DLG2: variants seen among roughly 807,000 people sequenced by gnomAD.
The protein encoded by DLG2 is disks large homolog 2.
DLG2 carries 45 observed loss-of-function variants against 132.5 expected under a neutral mutation model. The observed-to-expected ratio is 0.34, with a 90% CI of 0.27 to 0.44. DLG2 has a LOEUF of 0.44. Among genes scored for constraint, DLG2 ranks in the 20% least tolerant of loss-of-function variants. The pLI, the probability that DLG2 is intolerant of heterozygous loss-of-function variation, is 1.00. For missense variants in DLG2, 1,045 were observed against 1,196.9 expected (o/e 0.87, Z 1.87); for synonymous variants, 424 against 419.6 (o/e 1.01, Z -0.13).
intron 3 of DLG2, among the ~76,000 whole-genome samples, chr11:85,538,523 A>C (rs2075757509): frequency 1.3e-5 from 2 of 151,990 alleles, no homozygotes; most frequent in East Asian, 3.8e-4. Context: ...TAATTATATT[A>C]TAAAGATACA....
At position 84,071,878 on chromosome 11, in the gene DLG2, G is replaced by A. The variant is rs115345191; in HGVS notation, c.750-12394C>T. Among the ~76,000 whole-genome samples, 580 of 152,286 alleles carry A rather than the reference G, an allele frequency of 3.8e-3. 3 individuals are homozygous for A. Among genetic ancestry groups the A allele is most frequent in the African/African-American group, 0.013 (555 of 41,566 alleles). ...GAATTTCTGTGATTTCTGCAGCATA[G>A]AGGAAAAGAGAATCAGAGCCGAGCC... is the stretch of plus-strand genomic sequence containing the variant. On this transcript the variant is annotated intron_variant, in intron 10 of 27. Transcript: ENST00000376104.
chr11:85,061,265 T>C (rs2064104761), intron 6 of DLG2, among the ~76,000 whole-genome samples: 1 of 151,882 alleles, frequency 6.6e-6, no homozygotes, highest in Non-Finnish European at 1.5e-5. Context: ...TTGTAGCCTG[T>C]GCTTTATTTT....
intron 6 of DLG2, among the ~76,000 whole-genome samples, chr11:84,538,837 T>C (rs917179022): frequency 6.6e-6 from 1 of 152,174 alleles, no homozygotes; most frequent in Non-Finnish European, 1.5e-5. Context: ...CGTGTTTTTT[T>C]TTCTTTGAGT....
intron 3 of DLG2, among the ~76,000 whole-genome samples, chr11:85,324,290 T>C (rs184855872): frequency 6.6e-6 from 1 of 152,260 alleles, no homozygotes; most frequent in East Asian, 1.9e-4. Flanking sequence ...TTCCACCGCC[T>C]TGTTGACATC....
At chr11:85,173,327 T>G (rs1290289917) in intron 4 of DLG2, among the ~76,000 whole-genome samples, 1 of 152,140 alleles carries the variant, frequency 6.6e-6, no homozygotes, top group Admixed American at 6.6e-5. Context: ...TTCAACATTC[T>G]TAAAGAAAAG....
intron 7 of DLG2, among the ~76,000 whole-genome samples, chr11:84,495,207 A>G (rs560911289): frequency 2.0e-5 from 3 of 152,170 alleles, no homozygotes; most frequent in Non-Finnish European, 4.4e-5. Context: ...CATTCTTGCT[A>G]TTTCTCTGAC....
chr11:85,090,888 C>G (rs1056953025), intron 6 of DLG2, among the ~76,000 whole-genome samples: 1 of 152,188 alleles, frequency 6.6e-6, no homozygotes, highest in African/African-American at 2.4e-5. Context: ...AACTGGGCAT[C>G]TGTTGAAAGC....
At chr11:84,364,986 G>A (rs1158734991) in intron 7 of DLG2, among the ~76,000 whole-genome samples, 1 of 152,040 alleles carries the variant, frequency 6.6e-6, no homozygotes, top group Non-Finnish European at 1.5e-5. Flanking sequence ...TTTTGGTTGT[G>A]TCTCTGCCTG....
chr11:83,834,005 A>G (rs545753094), intron 16 of DLG2, among the ~76,000 whole-genome samples: 1 of 152,358 alleles, frequency 6.6e-6, no homozygotes, highest in African/African-American at 2.4e-5. Flanking sequence ...TTCTAAAAAA[A>G]TTTCTTAAAC....
intron 7 of DLG2, among the ~76,000 whole-genome samples, chr11:84,499,547 C>T (rs906867494): frequency 1.4e-4 from 22 of 152,138 alleles, no homozygotes; most frequent in Non-Finnish European, 2.9e-5. Context: ...AAGATACTTG[C>T]CATCTTAATG....
At chr11:85,208,884 GA>G (rs2082070424) in intron 4 of DLG2, among the ~76,000 whole-genome samples, 1 of 152,036 alleles carries the variant, frequency 6.6e-6, no homozygotes, top group South Asian at 2.1e-4. Flanking sequence ...GGAGAGGTGA[GA>G]AGGAGTCCTT....
At chr11:83,680,498 A>C (rs1342050759) in intron 18 of DLG2, among the ~76,000 whole-genome samples, 1 of 152,108 alleles carries the variant, frequency 6.6e-6, no homozygotes, top group African/African-American at 2.4e-5. Context: ...CTCCTATCTT[A>C]ATCATTATTG....
chr11:84,315,404 G>A (rs941763472), intron 7 of DLG2, among the ~76,000 whole-genome samples: 15 of 152,192 alleles, frequency 9.9e-5, no homozygotes, highest in Admixed American at 9.8e-4. Context: ...TCTCTGCTCT[G>A]TGCAACAACC....
chr11:85,111,735 G>T lies in DLG2; in HGVS notation c.283C>A (p.Gln95Lys). 6.4e-7 allele frequency: 1 copy of T among 1,553,376 alleles called. No homozygotes were observed. The highest frequency in any genetic ancestry group is 8.7e-7 in the Non-Finnish European group (1 of 1,147,824). The change falls in exon 6 of 28, where the codon CAA (glutamine) becomes AAA (lysine). Residue 95 changes from glutamine to lysine, a missense_variant and splice_region_variant. Physicochemically the swap from Gln to Lys is moderately conservative, Grantham distance 53. This residue lies in a region of DLG2 where 277 missense variants were observed against 238.2 expected (regional missense o/e 1.16). Transcript: ENST00000376104. ...TGGGCTGGGCATCTGCCTTGGTTTT[G>T]CTGCAAATAAGTAAAAATTATATTA... ...FENETDETTT[Q>K]NQGRCPAQNC...
intron 10 of DLG2, among the ~76,000 whole-genome samples, chr11:84,087,639 T>A (rs1265797148): frequency 6.6e-6 from 1 of 152,158 alleles, no homozygotes; most frequent in African/African-American, 2.4e-5. Flanking sequence ...GTGTCCAATA[T>A]AATCACAGGA....
At chr11:83,857,612 CATT>C (rs2060746232) in intron 16 of DLG2, among the ~76,000 whole-genome samples, 1 of 152,166 alleles carries the variant, frequency 6.6e-6, no homozygotes, top group African/African-American at 2.4e-5. Flanking sequence ...AGATACATGT[CATT>C]ATACGATTGT....
intron 6 of DLG2, among the ~76,000 whole-genome samples, chr11:84,605,041 G>T (rs991291280): frequency 3.2e-4 from 49 of 151,746 alleles, no homozygotes; most frequent in Non-Finnish European, 5.8e-4. Context: ...ATTTGTTTTG[G>T]TTTGTTTTTT....
intron 7 of DLG2, among the ~76,000 whole-genome samples, chr11:84,354,417 A>G (rs1043932623): frequency 6.6e-6 from 1 of 152,090 alleles, no homozygotes; most frequent in Non-Finnish European, 1.5e-5. Flanking sequence ...CTTTTCTCCT[A>G]CTATGTTCAG....
intron 3 of DLG2, among the ~76,000 whole-genome samples, chr11:85,480,939 C>T (rs1236374839): frequency 6.6e-6 from 1 of 152,036 alleles, no homozygotes; most frequent in Non-Finnish European, 1.5e-5. Flanking sequence ...GATGGTGTAG[C>T]ACAAAGAGAC....
Sources: allele counts gnomAD v4.1 joint callset (sites outside exome capture counted in the v4.1 genomes callset), GRCh38; gene constraint gnomAD v4.1.1; regional missense constraint gnomAD v4.1.1; transcripts MANE v1.5; gene names NCBI Gene and HGNC (gene_info 2026-07-23, HGNC 2026-07-21).